Variants in TENM4 observed in about 807,000 individuals in gnomAD.
TENM4 encodes the protein teneurin transmembrane protein 4.
A neutral mutation model predicts 243.3 loss-of-function variants in TENM4; 82 were observed. The observed-to-expected ratio is 0.34, with a 90% CI of 0.28 to 0.40. The LOEUF is 0.40. Among genes scored for constraint, TENM4 ranks in the 10% least tolerant of loss-of-function variants. The pLI is 1.00. For synonymous variants in TENM4, 1,412 were observed against 1,456.3 expected, an observed-to-expected ratio of 0.97 and a Z score of 0.69; for missense variants, 3,138 against 3,673.3, an observed-to-expected ratio of 0.85 and a Z score of 3.77.
In TENM4 at chr11:79,286,946, G is replaced by A. The variant is rs534483510; in HGVS notation, c.-265+10542C>T. On this transcript the variant is annotated intron_variant, in intron 2 of 33. Coordinates refer to ENST00000278550, the MANE Select transcript of TENM4 (RefSeq NM_001098816.3). ...TCAGGAAACTTGATAGCCACAAATA[G>A]CATGTTGGATAAGCTGTCTGCATAG... Among the ~76,000 whole-genome samples the A allele has an allele frequency of 1.4e-4, 22 of 152,312 alleles. No individual in the cohort carries two copies. In the South Asian group the frequency reaches 4.1e-3, roughly 29 times the overall value.
intron 27 of TENM4, among the ~76,000 whole-genome samples, chr11:78,704,972 T>C (rs1209934206): frequency 2.0e-5 from 3 of 152,218 alleles, no homozygotes; most frequent in South Asian, 4.1e-4. Flanking sequence ...CAGCTCCCTC[T>C]GTCCCTGCAG....
Position 78,658,734 on chromosome 11 carries a change from G to C in TENM4, c.7634C>G (p.Ser2545Cys), listed in dbSNP as rs1857962270. The stretch of plus-strand genomic sequence containing the variant: ...AGCCTGCTGGCAGCTGGTGATTGTG[G>C]AGCCATAGAGCTGGTCAAACCGTTC... The part of the protein sequence containing the change: ...TLERFDQLYG[S>C]TITSCQQAPK... Residue 2545 changes from serine (S) to cysteine (C), a missense_variant, in exon 34 of 34, where the codon TCC becomes TGC. By Grantham distance (112) the Ser-to-Cys change is moderately radical. Around this residue, in one of 2 missense-constraint regions of TENM4, gnomAD observed 2,467 missense variants for 3,059.1 expected, o/e 0.81. Coordinates refer to ENST00000278550, the MANE Select transcript of TENM4 (RefSeq NM_001098816.3). The C allele has an allele frequency of 6.2e-7, 1 of 1,613,904 alleles. No homozygotes were observed. Among genetic ancestry groups the C allele is most frequent in the African/African-American group, 1.3e-5 (1 of 74,928 alleles).
At chr11:78,933,460 A>C (rs1454859912) in intron 6 of TENM4, among the ~76,000 whole-genome samples, 1 of 152,220 alleles carries the variant, frequency 6.6e-6, no homozygotes, top group Non-Finnish European at 1.5e-5. Context: ...AGATTAGCTA[A>C]GGTTACAAGG....
intron 32 of TENM4, among the ~76,000 whole-genome samples, chr11:78,662,830 G>A (rs905754621): frequency 3.2e-4 from 48 of 152,306 alleles, no homozygotes; most frequent in African/African-American, 9.1e-4. Flanking sequence ...AGAGGAAGGC[G>A]GAAGCCTTTC....
At chr11:79,426,550 G>A (rs955796006) in intron 1 of TENM4, among the ~76,000 whole-genome samples, 8 of 152,224 alleles carry the variant, frequency 5.3e-5, no homozygotes, top group Non-Finnish European at 1.2e-4. Context: ...AGAGAAGATC[G>A]GAGTGAACCC....
Position 78,903,464 on chromosome 11 carries a change from G to C in TENM4, c.553C>G (p.His185Asp). 3 of 1,548,886 alleles carry C rather than the reference G, an allele frequency of 1.9e-6. No homozygotes were observed. The South Asian group carries it at 3.6e-5, about 18-fold the overall frequency. The change falls in exon 7 of 34, where the codon CAC (histidine) becomes GAC (aspartate). Residue 185 changes from histidine to aspartate, a missense_variant. By Grantham distance (81) the His-to-Asp change is moderately conservative. Coordinates refer to ENST00000278550, the MANE Select transcript of TENM4 (RefSeq NM_001098816.3). The part of the protein sequence containing the change: ...RLRTPPPPLS[H>D]AHTPNQHHAA... Reference sequence around the variant, plus strand: ...TGGTGCTGGTTGGGGGTGTGGGCGTGCGAGAGCGGCGGCGGCGGCGTCCGG... The same window carrying C: ...TGGTGCTGGTTGGGGGTGTGGGCGTCCGAGAGCGGCGGCGGCGGCGTCCGG...
chr11:79,138,333 TA>T (rs1862156658), intron 4 of TENM4, among the ~76,000 whole-genome samples: 1 of 77,016 alleles, frequency 1.3e-5, no homozygotes, highest in African/African-American at 5.4e-5. Flanking sequence ...ATATATATTA[TA>T]TATATAATAT....
chr11:78,976,543 A>C (rs779134433), intron 6 of TENM4, among the ~76,000 whole-genome samples: 3 of 152,248 alleles, frequency 2.0e-5, no homozygotes, highest in Admixed American at 6.5e-5. Flanking sequence ...CACTGCGCCA[A>C]GGCCTCTTGC....
intron 12 of TENM4, among the ~76,000 whole-genome samples, chr11:78,846,599 C>T (rs1034257906): frequency 5.9e-5 from 9 of 152,206 alleles, no homozygotes; most frequent in Non-Finnish European, 8.8e-5. Context: ...GTCCATGGTT[C>T]CTGGATGATA....
intron 18 of TENM4, among the ~76,000 whole-genome samples, chr11:78,769,244 A>G (rs887764938): frequency 1.3e-5 from 2 of 152,228 alleles, no homozygotes; most frequent in African/African-American, 2.4e-5. Context: ...TCTCTTTCCT[A>G]CGAAGAGCAA....
At chr11:79,247,235 G>A (rs759039646) in intron 2 of TENM4, among the ~76,000 whole-genome samples, 1 of 151,826 alleles carries the variant, frequency 6.6e-6, no homozygotes, top group Non-Finnish European at 1.5e-5. Flanking sequence ...TGGCCAACAT[G>A]GTGAAACCCC....
intron 6 of TENM4, among the ~76,000 whole-genome samples, chr11:79,012,516 A>T (rs937033892): frequency 6.6e-5 from 10 of 152,190 alleles, no homozygotes; most frequent in African/African-American, 2.4e-4. Context: ...AAATTGAGGC[A>T]GTTTTCTCAC....
rs544431437 is a variant in TENM4 at position 79,254,975 on chromosome 11, G to A, written c.-264-39066C>T. The stretch of plus-strand genomic sequence containing the variant: ...GAGCCATGGAGGGGACAAAGGAAAA[G>A]TCTTCCCAGTTCTGGAAGGGCGTCA... On this transcript the variant is annotated intron_variant, in intron 2 of 33. Transcript: ENST00000278550. 2.0e-5 allele frequency among the ~76,000 whole-genome samples: 3 copies of A among 152,272 alleles called. No individual in the cohort carries two copies. The East Asian group carries it at 5.8e-4, about 30-fold the overall frequency.
At chr11:79,342,821 A>G (rs2135463316) in intron 1 of TENM4, among the ~76,000 whole-genome samples, 1 of 152,318 alleles carries the variant, frequency 6.6e-6, no homozygotes, top group East Asian at 1.9e-4. Flanking sequence ...AGTTGGGCTC[A>G]TTACCTTCAG....
At chr11:79,040,669 G>A (rs1237127326) in intron 6 of TENM4, among the ~76,000 whole-genome samples, 1 of 152,180 alleles carries the variant, frequency 6.6e-6, no homozygotes, top group Non-Finnish European at 1.5e-5. Context: ...AGGAGGCAAA[G>A]AGGGAGGATG....
chr11:79,249,449 T>C (rs1356958185), intron 2 of TENM4, among the ~76,000 whole-genome samples: 1 of 152,182 alleles, frequency 6.6e-6, no homozygotes, highest in Non-Finnish European at 1.5e-5. Flanking sequence ...CATTAATGAA[T>C]AGATTGAATC....
intron 6 of TENM4, among the ~76,000 whole-genome samples, chr11:78,944,247 C>G (rs753204819): frequency 2.0e-5 from 3 of 151,778 alleles, no homozygotes; most frequent in Non-Finnish European, 2.9e-5. Flanking sequence ...GTTTGGGGTT[C>G]GTAGTCCTGA....
intron 12 of TENM4, 122 bp downstream of exon 12, chr11:78,853,982 C>T (rs1303392290): frequency 1.0e-6 from 1 of 992,964 alleles, no homozygotes; most frequent in Non-Finnish European, 1.4e-6. Flanking sequence ...GGTCTCGTGC[C>T]AAGCTCCAGG....
intron 6 of TENM4, among the ~76,000 whole-genome samples, chr11:78,985,214 G>C (rs565680839): frequency 6.6e-6 from 1 of 151,986 alleles, no homozygotes; most frequent in South Asian, 2.1e-4. Flanking sequence ...TACCTACTCC[G>C]TGCCATGTCC....
Sources: allele counts gnomAD v4.1 joint callset (sites outside exome capture counted in the v4.1 genomes callset), GRCh38; gene constraint gnomAD v4.1.1; regional missense constraint gnomAD v4.1.1; transcripts MANE v1.5; gene names NCBI Gene and HGNC (gene_info 2026-07-23, HGNC 2026-07-21).